The following OPRM1 variants were observed in gnomAD, a reference collection of about 807,000 sequenced individuals.
The protein encoded by OPRM1 is mu-type opioid receptor.
A neutral mutation model predicts 31.8 loss-of-function variants in OPRM1; 27 were observed. The observed-to-expected ratio is 0.85, with a 90% CI of 0.63 to 1.17. The LOEUF (loss-of-function observed/expected upper bound fraction) is 1.17, where lower values mean the gene tolerates loss of function less well. Among genes scored for constraint, OPRM1 ranks in the 50% most tolerant of loss-of-function variants. OPRM1 has a pLI of 0.00. For synonymous variants in OPRM1, 196 were observed against 189.9 expected, an observed-to-expected ratio of 1.03 and a Z score of -0.26; for missense variants, 536 against 511.1, an observed-to-expected ratio of 1.05 and a Z score of -0.47.
At chr6:154,104,989 C>A (rs1257039538) in intron 3 of OPRM1, among the ~76,000 whole-genome samples, 1 of 152,028 alleles carries the variant, frequency 6.6e-6, no homozygotes, top group African/African-American at 2.4e-5. Flanking sequence ...ACTGTGTAGG[C>A]AAGGTATGAG....
chr6:154,221,209 T>G, intron 3 of OPRM1: 1 of 1,359,082 alleles, frequency 7.4e-7, no homozygotes, highest in South Asian at 1.2e-5. Context: ...AGGCTAAAGT[T>G]AAGTATATTC....
At chr6:154,107,425 C>G (rs1329746764) in intron 3 of OPRM1, 1 of 718,062 alleles carries the variant, frequency 1.4e-6, no homozygotes, top group African/African-American at 1.7e-5. Context: ...GAATAGACGT[C>G]TTCACTCAGA....
intron 3 of OPRM1, among the ~76,000 whole-genome samples, chr6:154,206,236 T>C (rs960605022): frequency 1.4e-4 from 22 of 152,380 alleles, no homozygotes; most frequent in Admixed American, 1.2e-3. Context: ...TGTGTATTTC[T>C]CTGGAACCTG....
At chr6:154,108,839 T>TA (rs1442486722) in intron 3 of OPRM1, 4 of 984,978 alleles carry the variant, frequency 4.1e-6, no homozygotes, top group African/African-American at 1.7e-5. Flanking sequence ...GGTGATAAGA[T>TA]AAAAAACCAA....
intron 1 of OPRM1, among the ~76,000 whole-genome samples, chr6:154,069,381 GGT>G (rs1786157775): frequency 6.6e-6 from 1 of 152,150 alleles, no homozygotes; most frequent in Non-Finnish European, 1.5e-5. Context: ...AGGGATTACA[GGT>G]GCATGCCGCC....
intron 3 of OPRM1, among the ~76,000 whole-genome samples, chr6:154,188,745 C>T (rs746464154): frequency 2.0e-5 from 3 of 152,172 alleles, no homozygotes; most frequent in South Asian, 2.1e-4. Context: ...ACACTGAAGA[C>T]TCATGTGGAT....
chr6:154,156,316 G>A (rs797002967), intron 3 of OPRM1: 10 of 152,376 alleles, frequency 6.6e-5, no homozygotes, highest in African/African-American at 2.4e-4. Flanking sequence ...GCTAAGCCCA[G>A]TGCAATGAAA....
intron 1 of OPRM1, among the ~76,000 whole-genome samples, chr6:154,069,759 T>C (rs73014280): frequency 0.049 from 7,504 of 152,274 alleles, 253 homozygotes; most frequent in Non-Finnish European, 0.072. Context: ...TTGAAAAGAC[T>C]TCCCTTTCCC....
chr6:154,173,892 G>C (rs1341776414), intron 3 of OPRM1, among the ~76,000 whole-genome samples: 1 of 152,152 alleles, frequency 6.6e-6, no homozygotes, highest in Non-Finnish European at 1.5e-5. Context: ...AGGTTGAAAT[G>C]AAGGAAAAAA....
At chr6:154,157,160 G>A (rs893689193) in intron 3 of OPRM1, 5 of 152,232 alleles carry the variant, frequency 3.3e-5, no homozygotes, top group African/African-American at 9.6e-5. Flanking sequence ...GAGGCCAAGA[G>A]AGAGAAGCCC....
intron 1 of OPRM1, among the ~76,000 whole-genome samples, chr6:154,016,109 A>G (rs369174128): frequency 8.9e-4 from 136 of 152,290 alleles, no homozygotes; most frequent in African/African-American, 3.1e-3. Context: ...CTAGGAATCT[A>G]CCTCAAAGAC....
intron 1 of OPRM1, among the ~76,000 whole-genome samples, chr6:154,057,084 A>G (rs1783457367): frequency 6.6e-6 from 1 of 152,212 alleles, no homozygotes; most frequent in Admixed American, 6.5e-5. Context: ...GACTAAAGAT[A>G]TTCTTTTTGT....
rs1797829188 is a variant in OPRM1 at position 154,130,382 on chromosome 6, A to T, written c.*11661A>T. On this transcript the variant is annotated 3_prime_UTR_variant, in exon 4 of 4. Coordinates refer to ENST00000330432, the MANE Select transcript of OPRM1 (RefSeq NM_000914.5). ...ATGGGGTTTCACCACGTTAGCCAGGATGGTTTCGATCTCCTGACCTCGTGA... is the reference window on the plus strand; with the variant it reads ...ATGGGGTTTCACCACGTTAGCCAGGTTGGTTTCGATCTCCTGACCTCGTGA... Among the ~76,000 whole-genome samples, 1 of 151,922 alleles carries T rather than the reference A, an allele frequency of 6.6e-6. No homozygotes were observed.
At position 154,195,349 on chromosome 6, in the gene OPRM1, A is replaced by G. The variant is rs9478520; in HGVS notation, c.1165-51344A>G. On this transcript the variant is annotated intron_variant, in intron 3 of 3. Transcript: ENST00000337049. ...TTTTTAATAGAGATGGGGTTTCACC[A>G]TGTTAGCCAGGATGGTCTCGATCTC... is the stretch of plus-strand genomic sequence containing the variant. Among the ~76,000 whole-genome samples the G allele has an allele frequency of 9.9e-3, 1,506 of 151,934 alleles. 22 individuals are homozygous for G. Among genetic ancestry groups the G allele is most frequent in the African/African-American group, 0.035 (1,440 of 41,432 alleles).
intron 1 of OPRM1, among the ~76,000 whole-genome samples, chr6:154,075,434 A>G (rs1787658764): frequency 1.3e-5 from 2 of 150,870 alleles, no homozygotes; most frequent in South Asian, 4.2e-4. Context: ...TTTTTTATAT[A>G]ACCAACTAAA....
chr6:154,140,521 G>C (rs1410560313), intron 3 of OPRM1, among the ~76,000 whole-genome samples: 3 of 151,976 alleles, frequency 2.0e-5, no homozygotes, highest in Non-Finnish European at 4.4e-5. Context: ...GTTGAGACAG[G>C]GTTTCGCCAT....
chr6:154,102,368 T>C (rs1794959233), intron 3 of OPRM1, among the ~76,000 whole-genome samples: 3 of 152,334 alleles, frequency 2.0e-5, no homozygotes, highest in Admixed American at 1.3e-4. Context: ...AAGCATGATG[T>C]ATGATTATCC....
At position 154,062,404 on chromosome 6, in the gene OPRM1, C is replaced by A. The variant is rs140569892; in HGVS notation, c.290+22570C>A. Reference sequence around the variant, plus strand: ...AGACAACTCCATATTGATTTAATAACCTGTATTGCACTATAAGACTAAAAT... The same window carrying A: ...AGACAACTCCATATTGATTTAATAAACTGTATTGCACTATAAGACTAAAAT... On this transcript the variant is annotated intron_variant, in intron 1 of 3. Coordinates refer to ENST00000330432, the MANE Select transcript of OPRM1 (RefSeq NM_000914.5). Among the ~76,000 whole-genome samples the A allele has an allele frequency of 5.9e-3, 893 of 152,124 alleles. 6 individuals carry two copies. Among genetic ancestry groups the A allele is most frequent in the African/African-American group, 0.021 (851 of 41,512 alleles).
At chr6:154,097,611 G>C (rs114255251) in intron 3 of OPRM1, among the ~76,000 whole-genome samples, 2 of 151,990 alleles carry the variant, frequency 1.3e-5, no homozygotes, top group Admixed American at 1.3e-4. Context: ...GTGTGTGTGC[G>C]TGTGATATAG....
Sources: gnomAD v4.1 joint callset for allele counts (sites outside exome capture counted in the v4.1 genomes callset) on GRCh38, gnomAD v4.1.1 for gene constraint, MANE v1.5 for transcripts, NCBI Gene and HGNC (gene_info 2026-07-23, HGNC 2026-07-21) for gene names.